Variants in CPTP observed in about 807,000 individuals in gnomAD.
CPTP encodes the protein GLTP domain-containing protein 1.
A neutral mutation model predicts 5.7 loss-of-function variants in CPTP; 5 were observed. That is an observed-to-expected ratio of 0.88 (90% CI 0.46 to 1.86). The LOEUF is 1.86. Ranked by LOEUF, CPTP falls within the 40% of genes most tolerant of loss-of-function variation. The pLI is 0.01. For missense variants in CPTP, 335 were observed against 306.5 expected (o/e 1.09, Z -0.69); for synonymous variants, 166 against 142.7 (o/e 1.16, Z -1.16).
At chr1:1,327,063 G>T in intron 2 of CPTP, 31 bp downstream of exon 2, 1 of 1,611,328 alleles carries the variant, frequency 6.2e-7, no homozygotes, top group Non-Finnish European at 8.5e-7. Context: ...TCCTGAGGTG[G>T]GCGCTCCCCT....
At position 1,327,736 on chromosome 1, in the gene CPTP, C is replaced by G. The variant is rs763443213; in HGVS notation, c.618C>G (p.Ala206=). ...ACAACGTCTCCCAGAAGCTCTACGC[C>G]GAGCACTCCCTGCTGGACCTGCCCT... ...RVYNVSQKLY[A]EHSLLDLP is the part of the protein sequence containing the mutation. Residue 206 remains alanine (A), a synonymous_variant, in exon 3 of 3, where the codon GCC becomes GCG. Transcript: ENST00000343938. 1 of 1,612,416 alleles carries G rather than the reference C, an allele frequency of 6.2e-7. No individual in the cohort carries two copies. Among genetic ancestry groups the G allele is most frequent in the South Asian group, 1.1e-5 (1 of 91,092 alleles).
Position 1,327,411 on chromosome 1 carries a change from C to T in CPTP, c.293C>T (p.Ser98Phe), listed in dbSNP as rs1643331454. ...SNRLVDLERR[S>F]HHPESGCRTV... ...CGGCTGGTGGACCTGGAGCGCCGCT[C>T]CCACCACCCGGAGTCTGGCTGCCGG... The change falls in exon 3 of 3, where the codon TCC (serine) becomes TTC (phenylalanine). Residue 98 changes from serine to phenylalanine, a missense_variant. Ser to Phe is a radical substitution (Grantham distance 155, BLOSUM62 -2). Coordinates refer to ENST00000343938, the MANE Select transcript of CPTP (RefSeq NM_001029885.2). 1.9e-6 allele frequency: 3 copies of T among 1,591,848 alleles called. No homozygotes were observed. Among genetic ancestry groups the T allele is most frequent in the Non-Finnish European group, 2.6e-6 (3 of 1,175,516 alleles).
In CPTP at chr1:1,326,881, GC is replaced by G. The variant is rs754390803; in HGVS notation, c.-27del. Reference sequence around the variant, plus strand: ...CTGACCCCAGCGACACAGCCCCCCAGCCCTACTGTATTTCCGTTCCTATCAA... The same window carrying G: ...CTGACCCCAGCGACACAGCCCCCCAGCCTACTGTATTTCCGTTCCTATCAA... On this transcript the variant is annotated 5_prime_UTR_variant, in exon 2 of 3. Coordinates refer to ENST00000343938, the MANE Select transcript of CPTP (RefSeq NM_001029885.2). 6.2e-7 allele frequency: 1 copy of G among 1,613,420 alleles called. No individual in the cohort carries two copies. The highest frequency in any genetic ancestry group is 8.5e-7 in the Non-Finnish European group (1 of 1,179,846).
chr1:1,327,702 A>G lies in CPTP; in HGVS notation c.584A>G (p.Gln195Arg), dbSNP rs1445785946. 1.6e-5 allele frequency: 26 copies of G among 1,612,734 alleles called. No individual in the cohort carries two copies. The highest frequency in any genetic ancestry group is 1.6e-4 in the Middle Eastern group (1 of 6,062). Residue 195 changes from glutamine to arginine, a missense_variant, in exon 3 of 3, where the codon CAG (glutamine) becomes CGG (arginine). Physicochemically the swap from Gln to Arg is conservative, Grantham distance 43. Coordinates refer to ENST00000343938, the MANE Select transcript of CPTP (RefSeq NM_001029885.2). ...QMLGEALPFI[Q>R]RVYNVSQKLY... ...CTAGGCGAGGCCCTCCCCTTCATCCAGCGTGTCTACAACGTCTCCCAGAAG... is the reference window on the plus strand; with the variant it reads ...CTAGGCGAGGCCCTCCCCTTCATCCGGCGTGTCTACAACGTCTCCCAGAAG...
chr1:1,326,010 C>T (rs765611302), intron 1 of CPTP, among the ~76,000 whole-genome samples: 5 of 152,196 alleles, frequency 3.3e-5, no homozygotes, highest in African/African-American at 4.8e-5. Flanking sequence ...GGGTGCTTGG[C>T]AACACTCACA....
chr1:1,326,823 C>A lies in CPTP; in HGVS notation c.-75-13C>A. The A allele has an allele frequency of 7.1e-6, 11 of 1,552,416 alleles. No homozygotes were observed. The highest frequency in any genetic ancestry group is 3.4e-5 in the South Asian group (3 of 88,118). ...AATGGGATCGCAGCTATTTTGTTCC[C>A]CTCCACACACAGAAAATGAGCCACA... On this transcript the variant is annotated splice_polypyrimidine_tract_variant and intron_variant, in intron 1 of 2. Coordinates refer to ENST00000343938, the MANE Select transcript of CPTP (RefSeq NM_001029885.2).
chr1:1,325,831 C>T (rs1281177170), intron 1 of CPTP, among the ~76,000 whole-genome samples: 1 of 152,178 alleles, frequency 6.6e-6, no homozygotes, highest in Non-Finnish European at 1.5e-5. Flanking sequence ...TGCCCTTCCC[C>T]CTCCCCCACC....
At position 1,327,966 on chromosome 1, in the gene CPTP, CG is replaced by C; in HGVS notation, c.*205del. 1.6e-6 allele frequency: 1 copy of C among 631,648 alleles called. No individual in the cohort carries two copies. The allele number at this position is 631,648 out of a possible 1,614,324, so 39.1% of individuals were successfully genotyped here. On this transcript the variant is annotated 3_prime_UTR_variant, in exon 3 of 3. Transcript: ENST00000343938. ...CCAGAAGAGGCCCACCCTCTCGGTCCGGAACAAGACGCCTCGGCCACGGCTC... is the reference window on the plus strand; with the variant it reads ...CCAGAAGAGGCCCACCCTCTCGGTCCGAACAAGACGCCTCGGCCACGGCTC...
rs1432092240 is a variant in CPTP at position 1,328,853 on chromosome 1, T to A, written c.*1090T>A. The A allele has an allele frequency of 2.0e-5, 3 of 152,286 alleles. No individual in the cohort carries two copies. Among genetic ancestry groups the A allele is most frequent in the Non-Finnish European group, 4.4e-5 (3 of 68,014 alleles). 9.4% of individuals were successfully genotyped at this position (152,286 alleles called of 1,614,324 possible). A position where few individuals can be genotyped will look rare whatever the true frequency, so the allele number is the denominator to read the frequency against. Reference sequence around the variant, plus strand: ...GCAATCTATGTGATGTCTTCCAACGTTAATAAATCACACAGCCTCCCAGGA... The same window carrying A: ...GCAATCTATGTGATGTCTTCCAACGATAATAAATCACACAGCCTCCCAGGA... On this transcript the variant is annotated 3_prime_UTR_variant, in exon 3 of 3. Transcript: ENST00000343938.
At position 1,327,934 on chromosome 1, in the gene CPTP, G is replaced by C. The variant is rs1393545973; in HGVS notation, c.*171G>C. ...CACAGACTGTGACAGAGAAGGTGGC[G>C]ACCAGCCCAGAAGAGGCCCACCCTC... is the stretch of plus-strand genomic sequence containing the variant. On this transcript the variant is annotated 3_prime_UTR_variant, in exon 3 of 3. Transcript: ENST00000343938. 14 of 749,432 alleles carry C rather than the reference G, an allele frequency of 1.9e-5. No homozygotes were observed. In the South Asian group the frequency reaches 2.6e-4, roughly 14 times the overall value. 46.4% of individuals were successfully genotyped at this position (749,432 alleles called of 1,614,324 possible). A position where few individuals can be genotyped will look rare whatever the true frequency, so the allele number is the denominator to read the frequency against.
At chr1:1,326,290 C>A (rs1467869155) in intron 1 of CPTP, among the ~76,000 whole-genome samples, 1 of 152,184 alleles carries the variant, frequency 6.6e-6, no homozygotes, top group Non-Finnish European at 1.5e-5. Context: ...GATGGGGCAG[C>A]CTGCCCGGCA....
Position 1,327,410 on chromosome 1 carries a change from T to C in CPTP, c.292T>C (p.Ser98Pro), listed in dbSNP as rs1557651756. 1.9e-6 allele frequency: 3 copies of C among 1,592,456 alleles called. No individual in the cohort carries two copies. Among genetic ancestry groups the C allele is most frequent in the Non-Finnish European group, 2.6e-6 (3 of 1,175,808 alleles). The change falls in exon 3 of 3, where the codon TCC (serine) becomes CCC (proline). Residue 98 changes from serine (S) to proline (P), a missense_variant. Coordinates refer to ENST00000343938, the MANE Select transcript of CPTP (RefSeq NM_001029885.2). ...CCGGCTGGTGGACCTGGAGCGCCGC[T>C]CCCACCACCCGGAGTCTGGCTGCCG... ...SNRLVDLERR[S>P]HHPESGCRTV...
Position 1,327,267 on chromosome 1 carries a change from TCTC to T in CPTP, c.150_152del (p.Phe50_Ser51delinsLeu), listed in dbSNP as rs758746426. The T allele has an allele frequency of 6.3e-7, 1 of 1,597,808 alleles. No homozygotes were observed. Among genetic ancestry groups the T allele is most frequent in the Non-Finnish European group, 8.5e-7 (1 of 1,179,442 alleles). On this transcript the variant is annotated inframe_deletion, in exon 3 of 3. Transcript: ENST00000343938. Reference sequence around the variant, plus strand: ...TTTCTGAACAGCCTGGGCACCATCTTCTCATTCATCTCCAAGGACGTGGTCTCC... The same window carrying T: ...TTTCTGAACAGCCTGGGCACCATCTTATTCATCTCCAAGGACGTGGTCTCC...
In CPTP at chr1:1,328,055, A is replaced by G; in HGVS notation, c.*292A>G. The G allele has an allele frequency of 4.0e-6, 2 of 498,746 alleles. No individual in the cohort carries two copies. The highest frequency in any genetic ancestry group is 7.1e-6 in the Non-Finnish European group (2 of 281,580). 30.9% of individuals were successfully genotyped at this position (498,746 alleles called of 1,614,324 possible). ...GCCAGGGTGCGGTGCAGAGCAGAGC[A>G]GGCAGGGGTGGGGGCCGGGCCTGCA... On this transcript the variant is annotated 3_prime_UTR_variant, in exon 3 of 3. Transcript: ENST00000343938.
At chr1:1,325,854 G>T (rs1368962889) in intron 1 of CPTP, among the ~76,000 whole-genome samples, 2 of 152,164 alleles carry the variant, frequency 1.3e-5, no homozygotes, top group Admixed American at 1.3e-4. Context: ...TGGAGTCCCT[G>T]CAGCCAGGGA....
In CPTP at chr1:1,326,973, CGAT is replaced by C. The variant is rs753065958; in HGVS notation, c.66_68del (p.Asp22del). The C allele has an allele frequency of 1.9e-6, 3 of 1,613,762 alleles. No homozygotes were observed. Among genetic ancestry groups the C allele is most frequent in the South Asian group, 1.1e-5 (1 of 91,086 alleles). ...TCCTGGTCAGTTTCAAGCAGTGTCT[CGAT>C]GAGAAGGAAGAGGTCTTGCTGGACC... On this transcript the variant is annotated inframe_deletion, in exon 2 of 3. Coordinates refer to ENST00000343938, the MANE Select transcript of CPTP (RefSeq NM_001029885.2).
At position 1,327,362 on chromosome 1, in the gene CPTP, A is replaced by G. The variant is rs750231979; in HGVS notation, c.244A>G (p.Met82Val). ...QSEHYRSLQA[M>V]VAHELSNRLV... is the part of the protein sequence containing the mutation. ...CGAGCACTACCGCAGCCTGCAGGCC[A>G]TGGTGGCCCACGAGCTGAGCAACCG... Residue 82 changes from methionine to valine, a missense_variant, in exon 3 of 3, where the codon ATG (methionine) becomes GTG (valine). Transcript: ENST00000343938. 4.4e-6 allele frequency: 7 copies of G among 1,598,308 alleles called. No individual in the cohort carries two copies. In the Admixed American group the frequency reaches 6.7e-5, roughly 15 times the overall value.
In CPTP at chr1:1,324,864, A is replaced by G; in HGVS notation, c.-314A>G. On this transcript the variant is annotated 5_prime_UTR_variant, in exon 1 of 3. Transcript: ENST00000343938. ...CGGACTCGGCGGCCGCACCTGCCCA[A>G]CCCAACCCGCACGGTCCGGAAGTCG... 2.2e-6 allele frequency: 1 copy of G among 463,942 alleles called. No individual in the cohort carries two copies. Among genetic ancestry groups the G allele is most frequent in the Non-Finnish European group, 3.8e-6 (1 of 263,428 alleles). The allele number at this position is 463,942 out of a possible 1,614,324, so 28.7% of individuals were successfully genotyped here.
At position 1,326,823 on chromosome 1, in the gene CPTP, C is replaced by T. The variant is rs956644988; in HGVS notation, c.-75-13C>T. 1.6e-5 allele frequency: 25 copies of T among 1,552,300 alleles called. No homozygotes were observed. Among genetic ancestry groups the T allele is most frequent in the Non-Finnish European group, 2.2e-5 (25 of 1,129,512 alleles). ...AATGGGATCGCAGCTATTTTGTTCC[C>T]CTCCACACACAGAAAATGAGCCACA... On this transcript the variant is annotated splice_polypyrimidine_tract_variant and intron_variant, in intron 1 of 2. Transcript: ENST00000343938.
Sources: allele counts gnomAD v4.1 joint callset (sites outside exome capture counted in the v4.1 genomes callset), GRCh38; gene constraint gnomAD v4.1.1; transcripts MANE v1.5; gene names NCBI Gene and HGNC (gene_info 2026-07-23, HGNC 2026-07-21).